Variants in SHC3 observed in about 807,000 individuals in gnomAD.
SHC3 encodes the protein SHC adaptor protein 3, also known as SHC-transforming protein 3.
In SHC3, 15 loss-of-function variants were observed where a neutral mutation model predicts 60.4. That is an observed-to-expected ratio of 0.25 (90% CI 0.17 to 0.38). The LOEUF is 0.38. SHC3 is among the 10% of genes least tolerant of loss of function. The probability of loss-of-function intolerance (pLI) is 1.00; values close to 1 mark genes in which losing one functional copy is unlikely to be tolerated. For missense variants in SHC3, 677 were observed against 786.1 expected (o/e 0.86, Z 1.66); for synonymous variants, 294 against 325.9 (o/e 0.90, Z 1.05).
chr9:89,111,675 T>C (rs1825949030), intron 2 of SHC3, among the ~76,000 whole-genome samples: 1 of 152,132 alleles, frequency 6.6e-6, no homozygotes, highest in Non-Finnish European at 1.5e-5. Context: ...AGAATTGAGG[T>C]GTGTATGTTT....
intron 1 of SHC3, among the ~76,000 whole-genome samples, chr9:89,134,604 G>T (rs1826294237): frequency 6.6e-6 from 1 of 151,922 alleles, no homozygotes; most frequent in Non-Finnish European, 1.5e-5. Context: ...AAATTTCCTT[G>T]TCAATTGTGA....
chr9:89,092,534 G>GTGAA (rs1162748877), intron 2 of SHC3, among the ~76,000 whole-genome samples: 1 of 149,602 alleles, frequency 6.7e-6, no homozygotes. Context: ...GGAGAATGGT[G>GTGAA]TGAACCCCAG....
At chr9:89,136,607 T>C (rs922011852) in intron 1 of SHC3, among the ~76,000 whole-genome samples, 1 of 152,136 alleles carries the variant, frequency 6.6e-6, no homozygotes, top group Non-Finnish European at 1.5e-5. Flanking sequence ...GAATAATCTA[T>C]GCCTTGTTTA....
At chr9:89,169,538 C>T (rs1826838562) in intron 1 of SHC3, among the ~76,000 whole-genome samples, 1 of 152,104 alleles carries the variant, frequency 6.6e-6, no homozygotes, top group Non-Finnish European at 1.5e-5. Context: ...AACTTGAGGC[C>T]CTCATTCCCA....
Position 89,175,263 on chromosome 9 carries a change from C to G in SHC3, c.474+2724G>C, listed in dbSNP as rs529140743. On this transcript the variant is annotated intron_variant, in intron 1 of 11. Coordinates refer to ENST00000375835, the MANE Select transcript of SHC3 (RefSeq NM_016848.6). ...GCTGAAAAGAATATAAACCTCTAGG[C>G]AGAGTAAGCTGCAGCCTTTCTGTGT... is the stretch of plus-strand genomic sequence containing the variant. 9.2e-5 allele frequency among the ~76,000 whole-genome samples: 14 copies of G among 152,334 alleles called. No individual in the cohort carries two copies. In the South Asian group the frequency reaches 1.9e-3, roughly 20 times the overall value.
At chr9:89,017,134 T>C (rs1826110857) in intron 11 of SHC3, among the ~76,000 whole-genome samples, 1 of 152,124 alleles carries the variant, frequency 6.6e-6, no homozygotes, top group Admixed American at 6.5e-5. Context: ...CTTCATAGAA[T>C]TAGAAAAAAC....
Position 89,116,099 on chromosome 9 carries a change from G to A in SHC3, c.475-3473C>T, listed in dbSNP as rs1429476475. On this transcript the variant is annotated intron_variant, in intron 1 of 11. Coordinates refer to ENST00000375835, the MANE Select transcript of SHC3 (RefSeq NM_016848.6). The stretch of plus-strand genomic sequence containing the variant: ...CGATGTTGCAAAATTACGTGATACT[G>A]TGATGAAGGTTGCAGTATGGGACTA... Among the ~76,000 whole-genome samples, 11 of 152,252 alleles carry A rather than the reference G, an allele frequency of 7.2e-5. No individual in the cohort carries two copies. In the East Asian group the frequency reaches 1.7e-3, roughly 24 times the overall value.
chr9:89,173,803 G>T (rs1201950319), intron 1 of SHC3, among the ~76,000 whole-genome samples: 1 of 152,090 alleles, frequency 6.6e-6, no homozygotes, highest in Non-Finnish European at 1.5e-5. Context: ...CACATAAAAA[G>T]AGACAACTCA....
chr9:89,041,776 T>C (rs1157093713), intron 10 of SHC3, among the ~76,000 whole-genome samples: 1 of 152,190 alleles, frequency 6.6e-6, no homozygotes, highest in East Asian at 1.9e-4. Flanking sequence ...TCTCAATACA[T>C]TTGCAGATCT....
intron 5 of SHC3, among the ~76,000 whole-genome samples, chr9:89,069,793 C>T (rs1437844399): frequency 2.0e-5 from 3 of 152,242 alleles, no homozygotes; most frequent in African/African-American, 4.8e-5. Flanking sequence ...AGTACCACTT[C>T]CCTGTTGCTG....
chr9:89,173,073 A>T (rs1826893264), intron 1 of SHC3, among the ~76,000 whole-genome samples: 1 of 152,248 alleles, frequency 6.6e-6, no homozygotes, highest in Admixed American at 6.5e-5. Flanking sequence ...TCCAACCCAT[A>T]GAGACCAACC....
chr9:89,035,305 A>G (rs1190758796), intron 11 of SHC3, among the ~76,000 whole-genome samples: 9 of 152,202 alleles, frequency 5.9e-5, no homozygotes, highest in Non-Finnish European at 2.9e-5. Context: ...ATTCATTGCA[A>G]GCCCTATTGA....
chr9:89,130,667 T>G (rs1826231139), intron 1 of SHC3, among the ~76,000 whole-genome samples: 1 of 152,136 alleles, frequency 6.6e-6, no homozygotes, highest in Admixed American at 6.5e-5. Flanking sequence ...GAATGACTAC[T>G]GGGTACATAA....
chr9:89,082,295 G>A (rs929343684), intron 2 of SHC3, among the ~76,000 whole-genome samples: 11 of 152,144 alleles, frequency 7.2e-5, no homozygotes, highest in Non-Finnish European at 1.5e-4. Context: ...ATCCACACCA[G>A]AGGGAAGCTC....
chr9:89,032,736 T>C (rs554554330), intron 11 of SHC3, among the ~76,000 whole-genome samples: 2 of 152,300 alleles, frequency 1.3e-5, no homozygotes, highest in Non-Finnish European at 2.9e-5. Context: ...AAGGTTAGTA[T>C]ACTCTGGAGT....
chr9:89,052,899 T>A (rs1444539994), intron 6 of SHC3, among the ~76,000 whole-genome samples: 1 of 152,170 alleles, frequency 6.6e-6, no homozygotes, highest in East Asian at 1.9e-4. Context: ...GAGCAGTCCT[T>A]ATGCTTGAAG....
chr9:89,071,261 C>A lies in SHC3; in HGVS notation c.730-9G>T. On this transcript the variant is annotated splice_polypyrimidine_tract_variant and intron_variant, in intron 4 of 11. Coordinates refer to ENST00000375835, the MANE Select transcript of SHC3 (RefSeq NM_016848.6). ...TGGTGATTCGCTATGATCTGCCAGG[C>A]CCAAAACAAGAAACGAGATGTGCTG... 6.2e-7 allele frequency: 1 copy of A among 1,613,964 alleles called. No individual in the cohort carries two copies. Among genetic ancestry groups the A allele is most frequent in the Non-Finnish European group, 8.5e-7 (1 of 1,179,928 alleles).
chr9:89,100,384 G>A (rs901348097), intron 2 of SHC3, among the ~76,000 whole-genome samples: 1 of 152,026 alleles, frequency 6.6e-6, no homozygotes, highest in African/African-American at 2.4e-5. Flanking sequence ...TAGATGTTCA[G>A]TTATGAGGGT....
chr9:89,095,702 G>C (rs1825691186), intron 2 of SHC3, among the ~76,000 whole-genome samples: 1 of 151,930 alleles, frequency 6.6e-6, no homozygotes, highest in African/African-American at 2.4e-5. Flanking sequence ...GAGAGCTATG[G>C]GCACAGTCAC....
Sources: allele counts gnomAD v4.1 joint callset (sites outside exome capture counted in the v4.1 genomes callset), GRCh38; gene constraint gnomAD v4.1.1; transcripts MANE v1.5; gene names NCBI Gene and HGNC (gene_info 2026-07-23, HGNC 2026-07-21).